The following CES5A variants were observed in gnomAD, a reference collection of about 807,000 sequenced individuals.
The protein encoded by CES5A is carboxylesterase 5.
Under a neutral mutation model 62.9 loss-of-function variants are expected in CES5A, and 67 were observed. The ratio of observed to expected loss-of-function variants is 1.07; its 90% CI spans 0.88 to 1.31. The LOEUF (loss-of-function observed/expected upper bound fraction) is 1.31, where lower values mean the gene tolerates loss of function less well. CES5A is among the 50% of genes most tolerant of loss of function. The pLI, the probability that CES5A is intolerant of heterozygous loss-of-function variation, is 0.00. For synonymous variants in CES5A, 296 were observed against 280.8 expected (o/e 1.05, Z -0.54); for missense variants, 748 against 708.5 (o/e 1.06, Z -0.63).
chr16:55,871,257 T>A (rs1389759259), intron 3 of CES5A, among the ~76,000 whole-genome samples: 1 of 152,178 alleles, frequency 6.6e-6, no homozygotes, highest in African/African-American at 2.4e-5. Context: ...ACTGTCTTCA[T>A]TATAAACAGA....
At chr16:55,952,784 C>G (rs1195252958) in intron 1 of CES5A, among the ~76,000 whole-genome samples, 1 of 152,120 alleles carries the variant, frequency 6.6e-6, no homozygotes, top group Admixed American at 6.5e-5. Flanking sequence ...AAGATCTACC[C>G]CCACTAAAGT....
At chr16:55,895,268 A>G (rs1237670330) in intron 1 of CES5A, among the ~76,000 whole-genome samples, 2 of 152,248 alleles carry the variant, frequency 1.3e-5, no homozygotes, top group Admixed American at 1.3e-4. Context: ...TAAGCTAACC[A>G]AAGACTTAAA....
chr16:55,847,535 C>T (rs1294142876), intron 11 of CES5A, among the ~76,000 whole-genome samples: 3 of 152,110 alleles, frequency 2.0e-5, no homozygotes, highest in Admixed American at 6.5e-5. Flanking sequence ...CCTGCAGATG[C>T]CCAGTGACGA....
At chr16:55,895,226 A>G (rs2033920106) in intron 1 of CES5A, among the ~76,000 whole-genome samples, 1 of 152,250 alleles carries the variant, frequency 6.6e-6, no homozygotes, top group African/African-American at 2.4e-5. Flanking sequence ...CAGGAATTCA[A>G]AGAAATCTCT....
intron 1 of CES5A, among the ~76,000 whole-genome samples, chr16:55,922,493 T>C (rs1298607787): frequency 6.6e-6 from 1 of 151,876 alleles, no homozygotes; most frequent in Non-Finnish European, 1.5e-5. Flanking sequence ...CAAAACGATA[T>C]AACAATTATA....
chr16:55,847,951 C>A (rs560239705), intron 11 of CES5A, among the ~76,000 whole-genome samples: 5 of 152,110 alleles, frequency 3.3e-5, no homozygotes, highest in Admixed American at 3.3e-4. Context: ...ACTCTGTCAC[C>A]CAGGCTGGAG....
chr16:55,849,862 T>A, intron 10 of CES5A, 89 bp from the exon 11 acceptor site: 1 of 1,424,094 alleles, frequency 7.0e-7, no homozygotes, highest in African/African-American at 1.4e-5. Flanking sequence ...CTTGGATGTA[T>A]AGACCCAGGG....
intron 12 of CES5A, 34 bp downstream of exon 12, chr16:55,846,734 C>G: frequency 6.2e-7 from 1 of 1,613,522 alleles, no homozygotes; most frequent in Non-Finnish European, 8.5e-7. Context: ...ACACCCCAGG[C>G]CTTGGCATGG....
intron 2 of CES5A, among the ~76,000 whole-genome samples, chr16:55,931,808 G>T (rs1458372938): frequency 5.9e-5 from 9 of 152,168 alleles, no homozygotes; most frequent in African/African-American, 2.2e-4. Context: ...TGAGGACAGG[G>T]ACCTTGCCTT....
At chr16:55,935,571 T>G (rs1347276147) in intron 2 of CES5A, among the ~76,000 whole-genome samples, 4 of 152,166 alleles carry the variant, frequency 2.6e-5, no homozygotes, top group Non-Finnish European at 5.9e-5. Flanking sequence ...TTCTTCTCCT[T>G]CCATATATCC....
At chr16:55,858,076 G>A (rs1224996434) in intron 8 of CES5A, among the ~76,000 whole-genome samples, 2 of 152,184 alleles carry the variant, frequency 1.3e-5, no homozygotes, top group African/African-American at 4.8e-5. Flanking sequence ...GTGGGTGCCT[G>A]TAATCCCAGC....
chr16:55,873,495 G>T, intron 2 of CES5A, among the ~76,000 whole-genome samples: 1 of 152,206 alleles, frequency 6.6e-6, no homozygotes, highest in Non-Finnish European at 1.5e-5. Context: ...GACTCAGTAC[G>T]CCCATTTCAG....
intron 9 of CES5A, among the ~76,000 whole-genome samples, chr16:55,854,603 G>A (rs1368690981): frequency 7.4e-6 from 1 of 134,292 alleles, no homozygotes; most frequent in East Asian, 2.4e-4. Context: ...GTACAGTGGC[G>A]AGATCCTGCA....
chr16:55,898,671 C>T (rs1345014969), intron 1 of CES5A, among the ~76,000 whole-genome samples: 1 of 152,196 alleles, frequency 6.6e-6, no homozygotes, highest in East Asian at 1.9e-4. Context: ...GTTTCATCCT[C>T]ATAAAGGGAT....
At chr16:55,905,203 C>T (rs1025916684) in intron 1 of CES5A, among the ~76,000 whole-genome samples, 1 of 152,104 alleles carries the variant, frequency 6.6e-6, no homozygotes, top group African/African-American at 2.4e-5. Context: ...TTATGTTTCC[C>T]AGGCTCTGCA....
chr16:55,943,894 TTAAC>T (rs1325116736), intron 2 of CES5A, among the ~76,000 whole-genome samples: 1 of 152,152 alleles, frequency 6.6e-6, no homozygotes, highest in Admixed American at 6.5e-5. Flanking sequence ...CAGATAAGCT[TTAAC>T]TGAGTATCCA....
At chr16:55,948,027 C>G (rs895211484) in intron 2 of CES5A, among the ~76,000 whole-genome samples, 6 of 151,772 alleles carry the variant, frequency 4.0e-5, no homozygotes, top group African/African-American at 1.5e-4. Flanking sequence ...GAGTTTGGAA[C>G]CTGAGAGCCT....
At chr16:55,860,548 T>C (rs1375653209) in intron 7 of CES5A, among the ~76,000 whole-genome samples, 1 of 152,072 alleles carries the variant, frequency 6.6e-6, no homozygotes, top group Non-Finnish European at 1.5e-5. Flanking sequence ...AAGGGAAAAA[T>C]GGTGGTAGAT....
intron 2 of CES5A, among the ~76,000 whole-genome samples, chr16:55,947,732 A>C (rs1466256645): frequency 1.3e-5 from 2 of 152,096 alleles, no homozygotes; most frequent in African/African-American, 4.8e-5. Flanking sequence ...GGGAGGAGCC[A>C]TGAAGATATC....
Sources: gnomAD v4.1 joint callset for allele counts (sites outside exome capture counted in the v4.1 genomes callset) on GRCh38, gnomAD v4.1.1 for gene constraint, MANE v1.5 for transcripts, NCBI Gene and HGNC (gene_info 2026-07-23, HGNC 2026-07-21) for gene names.